The following CBLN2 variants were observed in gnomAD, a reference collection of about 807,000 sequenced individuals.
The protein encoded by CBLN2 is cerebellin-2.
A neutral mutation model predicts 15.0 loss-of-function variants in CBLN2; 7 were observed. The ratio of observed to expected loss-of-function variants is 0.47; its 90% confidence interval spans 0.27 to 0.88. CBLN2 has a LOEUF of 0.88. CBLN2 is among the 40% of genes least tolerant of loss of function. The pLI is 0.14. For missense variants in CBLN2, 242 were observed against 304.5 expected (o/e 0.79, Z 1.53); for synonymous variants, 149 against 135.2 (o/e 1.10, Z -0.71).
At chr18:72,619,280 G>T (rs1050156325) in intron 1 of CBLN2, 5 of 708,070 alleles carry the variant, frequency 7.1e-6, no homozygotes, top group Non-Finnish European at 4.8e-6. Context: ...TGACGGGGAA[G>T]CTACAGGTTA....
chr18:72,538,838 C>T, intron 3 of CBLN2, 66 bp from the exon 4 acceptor site: 1 of 1,578,494 alleles, frequency 6.3e-7, no homozygotes, highest in South Asian at 1.1e-5. Flanking sequence ...TTTCATCATC[C>T]TTGGATAACC....
intron 4 of CBLN2, 111 bp from the exon 5 acceptor site, chr18:72,538,484 A>C: frequency 7.0e-7 from 1 of 1,422,094 alleles, no homozygotes; most frequent in Non-Finnish European, 9.8e-7. Context: ...CTTAGAGTAC[A>C]CATCAGGGGA....
upstream of CBLN2, among the ~76,000 whole-genome samples, chr18:72,544,779 T>C (rs1017947448): frequency 1.3e-5 from 2 of 152,082 alleles, no homozygotes; most frequent in African/African-American, 4.8e-5. Context: ...GCCAAGATGA[T>C]AAATGCTGCG....
chr18:72,615,351 A>C (rs2069654124), intron 1 of CBLN2, among the ~76,000 whole-genome samples: 1 of 148,408 alleles, frequency 6.7e-6, no homozygotes, highest in South Asian at 2.1e-4. Context: ...ACCTTGGCTC[A>C]CTGCAACCTC....
intron 1 of CBLN2, among the ~76,000 whole-genome samples, chr18:72,564,929 G>A (rs751976898): frequency 2.6e-5 from 4 of 152,146 alleles, no homozygotes; most frequent in Admixed American, 6.6e-5. Flanking sequence ...TCACATATAA[G>A]ATTTTCAATA....
chr18:72,544,878 T>C (rs905197637), upstream of CBLN2, among the ~76,000 whole-genome samples: 1 of 151,022 alleles, frequency 6.6e-6, no homozygotes, highest in African/African-American at 2.4e-5. Flanking sequence ...AAACAATCAA[T>C]ATTTAAATCT....
At chr18:72,555,049 C>T (rs563166855) in intron 1 of CBLN2, among the ~76,000 whole-genome samples, 1 of 150,744 alleles carries the variant, frequency 6.6e-6, no homozygotes, top group African/African-American at 2.4e-5. Context: ...GCAGGAGAAT[C>T]ACTTGAACCC....
intron 1 of CBLN2, among the ~76,000 whole-genome samples, chr18:72,631,515 G>A (rs1361693426): frequency 6.6e-6 from 1 of 151,776 alleles, no homozygotes; most frequent in Non-Finnish European, 1.5e-5. Flanking sequence ...AATCCACAAA[G>A]CACTTTCTGG....
intron 1 of CBLN2, among the ~76,000 whole-genome samples, chr18:72,602,287 G>C (rs1013397024): frequency 4.6e-5 from 7 of 152,164 alleles, no homozygotes; most frequent in Admixed American, 2.6e-4. Context: ...GATGGTGGAC[G>C]GCAAAGCCTG....
chr18:72,598,862 A>C (rs1263945393), intron 1 of CBLN2, among the ~76,000 whole-genome samples: 2 of 152,152 alleles, frequency 1.3e-5, no homozygotes, highest in Non-Finnish European at 2.9e-5. Context: ...AAGTCCCAAA[A>C]TTGCTGCACT....
intron 1 of CBLN2, among the ~76,000 whole-genome samples, chr18:72,580,951 C>T (rs2069398739): frequency 6.6e-6 from 1 of 152,136 alleles, no homozygotes; most frequent in Non-Finnish European, 1.5e-5. Context: ...CTCCTTAGTA[C>T]AGTATTAGCC....
exon 1 of CBLN2, chr18:72,638,507 T>C (rs2069828541): frequency 2.5e-6 from 1 of 395,236 alleles, no homozygotes; most frequent in Non-Finnish European, 4.5e-6. Flanking sequence ...TCTTAGAACA[T>C]TTATGCTTAT....
At chr18:72,556,341 C>A (rs988278273) in intron 1 of CBLN2, among the ~76,000 whole-genome samples, 5 of 152,264 alleles carry the variant, frequency 3.3e-5, no homozygotes, top group South Asian at 2.1e-4. Flanking sequence ...AATTCTAAAC[C>A]TGGCATCAAT....
chr18:72,607,353 G>A lies in CBLN2; in HGVS notation c.15+30972C>T, dbSNP rs1001952510. On this transcript the variant is annotated intron_variant, in intron 1 of 2. Coordinates refer to the CBLN2 transcript ENST00000581073. ...GACCTCCTAGGTTAGCACCTGGGAAGGCATATCCGCCCCACTTGGAAATGC... is the reference window on the plus strand; with the variant it reads ...GACCTCCTAGGTTAGCACCTGGGAAAGCATATCCGCCCCACTTGGAAATGC... 2.0e-5 allele frequency among the ~76,000 whole-genome samples: 3 copies of A among 152,268 alleles called. No individual in the cohort carries two copies. In the East Asian group the frequency reaches 5.8e-4, roughly 29 times the overall value.
intron 3 of CBLN2, 84 bp downstream of exon 3, chr18:72,541,720 A>G: frequency 1.8e-6 from 2 of 1,120,604 alleles, no homozygotes; most frequent in Non-Finnish European, 2.5e-6. Context: ...CTCCACGTCC[A>G]AGAAGCCTGA....
At chr18:72,613,118 A>G (rs1039943052) in intron 1 of CBLN2, among the ~76,000 whole-genome samples, 1 of 152,136 alleles carries the variant, frequency 6.6e-6, no homozygotes, top group African/African-American at 2.4e-5. Flanking sequence ...TTATAAGGAC[A>G]CAGTCATTTT....
At chr18:72,589,137 G>A (rs534027554) in intron 1 of CBLN2, among the ~76,000 whole-genome samples, 4 of 152,072 alleles carry the variant, frequency 2.6e-5, no homozygotes, top group Non-Finnish European at 4.4e-5. Flanking sequence ...CGTCAATTGC[G>A]GCTGTTACTG....
At chr18:72,556,103 T>C (rs1482903199) in intron 1 of CBLN2, among the ~76,000 whole-genome samples, 1 of 152,176 alleles carries the variant, frequency 6.6e-6, no homozygotes, top group Non-Finnish European at 1.5e-5. Context: ...CCTGTGCATG[T>C]AGCATAAGGA....
At chr18:72,555,571 A>G (rs1410728569) in intron 1 of CBLN2, among the ~76,000 whole-genome samples, 2 of 152,166 alleles carry the variant, frequency 1.3e-5, no homozygotes, top group Non-Finnish European at 2.9e-5. Context: ...TTAATTTATG[A>G]ATTATAGAAT....
Sources: allele counts gnomAD v4.1 joint callset (sites outside exome capture counted in the v4.1 genomes callset), GRCh38; gene constraint gnomAD v4.1.1; transcripts MANE v1.5; gene names NCBI Gene and HGNC (gene_info 2026-07-23, HGNC 2026-07-21).